The following LIMK2 variants were observed in gnomAD, a reference collection of about 807,000 sequenced individuals.
LIMK2 encodes LIM domain kinase 2.
A neutral mutation model predicts 75.7 loss-of-function variants in LIMK2; 35 were observed. That is an observed-to-expected ratio of 0.46 (90% CI 0.35 to 0.61). LIMK2 has a LOEUF of 0.61. Ranked by LOEUF, LIMK2 falls within the 20% of genes least tolerant of loss-of-function variation. The probability of loss-of-function intolerance (pLI) is 0.00; values close to 1 mark genes in which losing one functional copy is unlikely to be tolerated. For synonymous variants in LIMK2, 301 were observed against 319.2 expected (o/e 0.94, Z 0.61); for missense variants, 623 against 831.0 (o/e 0.75, Z 3.08).
intron 2 of LIMK2, among the ~76,000 whole-genome samples, chr22:31,253,186 C>T (rs1160712928): frequency 6.6e-6 from 1 of 152,226 alleles, no homozygotes; most frequent in Non-Finnish European, 1.5e-5. Context: ...TTCACTCTGG[C>T]TCCTCAGGAC....
Position 31,266,045 on chromosome 22 carries a change from C to T in LIMK2, c.954C>T (p.Ser318=), listed in dbSNP as rs1453498176. ...GCCGCTCAGAATCCCTTCGTTGTTC[C>T]AGCAGCTATTCACAGCAGATCTTCC... ...DISRSESLRC[S]SSYSQQIFRP... Residue 318 remains serine (S), a synonymous_variant, in exon 8 of 16, where the codon TCC becomes TCT. Transcript: ENST00000331728. 3 of 1,614,220 alleles carry T rather than the reference C, an allele frequency of 1.9e-6. No individual in the cohort carries two copies. Among genetic ancestry groups the T allele is most frequent in the Admixed American group, 1.7e-5 (1 of 60,026 alleles).
rs946353792 is a variant in LIMK2, at chr22:31,261,791, T to TA, written c.552-333dup. Among the ~76,000 whole-genome samples, 9 of 149,558 alleles carry TA rather than the reference T, an allele frequency of 6.0e-5. 1 individual carries two copies. In the South Asian group the frequency reaches 6.4e-4, roughly 11 times the overall value. On this transcript the variant is annotated intron_variant, in intron 5 of 15. Coordinates refer to ENST00000331728, the MANE Select transcript of LIMK2 (RefSeq NM_005569.4). ...TCAAATAAAAATTAAAAACAAAGTT[T>TA]AAAAAAAAAATAGAAGCTATTACCG... is the stretch of plus-strand genomic sequence containing the variant.
At chr22:31,216,469 C>T (rs1018771240) in intron 1 of LIMK2, among the ~76,000 whole-genome samples, 2 of 152,072 alleles carry the variant, frequency 1.3e-5, no homozygotes, top group Admixed American at 6.5e-5. Flanking sequence ...CTACAGTAGG[C>T]ACCGTAGGTT....
At chr22:31,247,428 A>G (rs181202081) in intron 2 of LIMK2, among the ~76,000 whole-genome samples, 95 of 152,284 alleles carry the variant, frequency 6.2e-4, no homozygotes, top group African/African-American at 2.2e-3. Context: ...TTTGAAAAGC[A>G]TGGTTATCAC....
rs764611300 is a variant in LIMK2, at chr22:31,275,213, C to T, written c.1677C>T (p.Asn559=). 8.7e-6 allele frequency: 14 copies of T among 1,614,076 alleles called. No individual in the cohort carries two copies. Among genetic ancestry groups the T allele is most frequent in the Middle Eastern group, 3.3e-4 (2 of 6,084 alleles). ...CLPRTLDFGL[N]VKLFWEKFVP... is the part of the protein sequence containing the mutation. Reference sequence around the variant, plus strand: ...CCCGAACACTGGACTTTGGCCTCAACGTGAAGCTTTTCTGGGAGAAGTTTG... The same window carrying T: ...CCCGAACACTGGACTTTGGCCTCAATGTGAAGCTTTTCTGGGAGAAGTTTG... Residue 559 remains asparagine (N), a synonymous_variant, in exon 15 of 16, where the codon AAC becomes AAT. Transcript: ENST00000331728.
intron 2 of LIMK2, among the ~76,000 whole-genome samples, chr22:31,252,542 T>A (rs1195612901): frequency 1.4e-5 from 2 of 138,246 alleles, no homozygotes; most frequent in Non-Finnish European, 3.1e-5. Context: ...CTCTGTCTCT[T>A]AAAAAAAAAA....
At chr22:31,251,881 G>A (rs865837577) in intron 2 of LIMK2, among the ~76,000 whole-genome samples, 1 of 152,142 alleles carries the variant, frequency 6.6e-6, no homozygotes, top group African/African-American at 2.4e-5. Context: ...TCAGGCTGTG[G>A]TGGAGGGAGC....
intron 2 of LIMK2, among the ~76,000 whole-genome samples, chr22:31,256,617 A>G (rs1262585425): frequency 2.0e-5 from 3 of 151,830 alleles, no homozygotes; most frequent in Non-Finnish European, 4.4e-5. Context: ...TGGGATTATA[A>G]GCATAAGCCA....
In LIMK2 at chr22:31,277,518, C is replaced by T. The variant is rs191436790; in HGVS notation, c.1773-779C>T. 5.3e-5 allele frequency: 54 copies of T among 1,022,910 alleles called. 3 individuals are homozygous for T. In the East Asian group the frequency reaches 5.1e-3, roughly 97 times the overall value. 63.4% of individuals were successfully genotyped at this position (1,022,910 alleles called of 1,614,324 possible). On this transcript the variant is annotated intron_variant, in intron 15 of 15. Coordinates refer to ENST00000331728, the MANE Select transcript of LIMK2 (RefSeq NM_005569.4). ...TCCTTTATAGGCCAAGGACCGCAGTCCTTCAGTAACACCAGTGTAAAAGCT... is the reference window on the plus strand; with the variant it reads ...TCCTTTATAGGCCAAGGACCGCAGTTCTTCAGTAACACCAGTGTAAAAGCT...
At chr22:31,245,733 C>T (rs571284002) in intron 2 of LIMK2, among the ~76,000 whole-genome samples, 67 of 152,240 alleles carry the variant, frequency 4.4e-4, no homozygotes, top group African/African-American at 1.4e-3. Context: ...GCCACTATGC[C>T]TGGCCTATAT....
intron 7 of LIMK2, among the ~76,000 whole-genome samples, chr22:31,265,565 T>G (rs550683699): frequency 6.6e-6 from 1 of 152,252 alleles, no homozygotes; most frequent in East Asian, 1.9e-4. Context: ...TTTGCTCATT[T>G]TTTGGATACT....
chr22:31,229,678 G>A (rs1382337735), intron 2 of LIMK2, among the ~76,000 whole-genome samples: 1 of 152,142 alleles, frequency 6.6e-6, no homozygotes, highest in Non-Finnish European at 1.5e-5. Context: ...TGTTTTCCTA[G>A]TCACAGGGTG....
Position 31,262,760 on chromosome 22 carries a change from C to G in LIMK2, c.823C>G (p.Leu275Val), listed in dbSNP as rs763622489. 6.2e-6 allele frequency: 10 copies of G among 1,613,106 alleles called. No homozygotes were observed. The highest frequency in any genetic ancestry group is 8.5e-6 in the Non-Finnish European group (10 of 1,179,398). The change falls in exon 7 of 16, where the codon CTG becomes GTG. Residue 275 changes from leucine (L) to valine (V), a missense_variant. Around this residue, in one of 3 missense-constraint regions of LIMK2, gnomAD observed 514 missense variants for 661.3 expected, o/e 0.78. Coordinates refer to ENST00000331728, the MANE Select transcript of LIMK2 (RefSeq NM_005569.4). This position sits in a 1 kb window ranked among gnomAD's most constrained non-coding sequence, Gnocchi z 5.0. Reference protein sequence around the residue: ...ALSTLDTKENLEGTLRRRSLR... With the variant: ...ALSTLDTKENVEGTLRRRSLR... ...CAGCACCCTGGACACCAAGGAGAAT[C>G]TGGAGGGGACACTGAGGAGACGTTC...
intron 2 of LIMK2, chr22:31,248,430 C>T (rs1343452237): frequency 2.8e-6 from 4 of 1,441,376 alleles, no homozygotes; most frequent in Non-Finnish European, 3.7e-6. Flanking sequence ...TGTGTAGCCT[C>T]CACAGAGAGG....
rs905661199 is a variant in LIMK2 at position 31,212,402 on chromosome 22, C to G, written c.-7C>G. On this transcript the variant is annotated 5_prime_UTR_variant, in exon 1 of 16. Transcript: ENST00000331728. ...CTCCTCCTCCCCATTTCCGCGCTCCCGGGACCATGTCCGCGCTGGCGGGTA... is the reference window on the plus strand; with the variant it reads ...CTCCTCCTCCCCATTTCCGCGCTCCGGGGACCATGTCCGCGCTGGCGGGTA... 4 of 1,339,274 alleles carry G rather than the reference C, an allele frequency of 3.0e-6. No individual in the cohort carries two copies. In the African/African-American group the frequency reaches 6.0e-5, roughly 20 times the overall value. The allele number at this position is 1,339,274 out of a possible 1,614,324, so 83.0% of individuals were successfully genotyped here.
intron 1 of LIMK2, among the ~76,000 whole-genome samples, chr22:31,221,516 G>A (rs941692556): frequency 2.0e-5 from 3 of 151,784 alleles, no homozygotes; most frequent in African/African-American, 4.8e-5. Context: ...ACAGAGTCTC[G>A]CTCTGTCGCC....
Position 31,279,326 on chromosome 22 carries a change from G to C in LIMK2, c.*885G>C, listed in dbSNP as rs139676745. The C allele has an allele frequency of 1.3e-4, 20 of 152,376 alleles. 1 individual carries two copies. The East Asian group carries it at 3.9e-3, about 29-fold the overall frequency. 9.4% of individuals were successfully genotyped at this position (152,376 alleles called of 1,614,324 possible). ...AAACATTTTGCCTAAAGCTCGATGG[G>C]TTCTGGAGGACAGTGTGGCTTGTCA... On this transcript the variant is annotated 3_prime_UTR_variant, in exon 16 of 16. Coordinates refer to ENST00000331728, the MANE Select transcript of LIMK2 (RefSeq NM_005569.4).
chr22:31,266,369 G>A (rs1034093927), intron 8 of LIMK2, among the ~76,000 whole-genome samples: 4 of 152,138 alleles, frequency 2.6e-5, no homozygotes, highest in African/African-American at 9.7e-5. Flanking sequence ...AGCTGTGCCT[G>A]TGGCCCTCCT....
chr22:31,246,777 A>C (rs1043905715), intron 2 of LIMK2, among the ~76,000 whole-genome samples: 29 of 147,212 alleles, frequency 2.0e-4, no homozygotes, highest in East Asian at 3.8e-4. Flanking sequence ...AAAAACAAAA[A>C]AAAAAAACAC....
Sources: gnomAD v4.1 joint callset for allele counts (sites outside exome capture counted in the v4.1 genomes callset) on GRCh38, gnomAD v4.1.1 for gene constraint, gnomAD v4.1.1 regional missense constraint, Gnocchi (gnomAD v3.1) non-coding constraint, MANE v1.5 for transcripts, NCBI Gene and HGNC (gene_info 2026-07-23, HGNC 2026-07-21) for gene names.